Variants in PPP2R2B observed in about 807,000 individuals in gnomAD.
PPP2R2B encodes the protein protein phosphatase 2 regulatory subunit Bbeta.
In PPP2R2B, 5 loss-of-function variants were observed where a neutral mutation model predicts 46.0. That is an observed-to-expected ratio of 0.11 (90% CI 0.06 to 0.23). PPP2R2B has a LOEUF of 0.23. Among genes scored for constraint, PPP2R2B ranks in the 10% least tolerant of loss-of-function variants. The probability of loss-of-function intolerance (pLI) is 1.00; values close to 1 mark genes in which losing one functional copy is unlikely to be tolerated. For missense variants in PPP2R2B, 367 were observed against 575.0 expected, an observed-to-expected ratio of 0.64 and a Z score of 3.70; for synonymous variants, 215 against 206.7, an observed-to-expected ratio of 1.04 and a Z score of -0.34.
intron 1 of PPP2R2B, among the ~76,000 whole-genome samples, chr5:146,932,083 C>G (rs937533685): frequency 1.2e-4 from 19 of 152,142 alleles, no homozygotes; most frequent in Non-Finnish European, 1.5e-4. Context: ...TGAACTGAAT[C>G]GTTTAGATTG....
chr5:146,656,125 T>A (rs424849), intron 5 of PPP2R2B, among the ~76,000 whole-genome samples: 1 of 152,158 alleles, frequency 6.6e-6, no homozygotes, highest in African/African-American at 2.4e-5. Context: ...CTGTGGTACA[T>A]AAGTTCTTGT....
intron 1 of PPP2R2B, chr5:146,918,248 G>A (rs753704380): frequency 7.2e-5 from 11 of 152,174 alleles, no homozygotes; most frequent in Non-Finnish European, 1.2e-4. Context: ...AGGGAAACTC[G>A]CCTTGGGCTC....
At chr5:146,888,691 T>C (rs1472258490) in intron 1 of PPP2R2B, among the ~76,000 whole-genome samples, 1 of 152,136 alleles carries the variant, frequency 6.6e-6, no homozygotes, top group Admixed American at 6.5e-5. Context: ...ACTTATCAAA[T>C]GCAGCACCAC....
At chr5:147,047,021 C>G (rs1356937691) in intron 1 of PPP2R2B, among the ~76,000 whole-genome samples, 3 of 152,070 alleles carry the variant, frequency 2.0e-5, no homozygotes, top group African/African-American at 7.2e-5. Flanking sequence ...ATTATATTGT[C>G]ATTTGACTCT....
At chr5:147,080,008 A>G (rs1267307095) in intron 2 of PPP2R2B, among the ~76,000 whole-genome samples, 1 of 152,178 alleles carries the variant, frequency 6.6e-6, no homozygotes, top group Non-Finnish European at 1.5e-5. Context: ...TTTATTTATT[A>G]ATTTTAGTGT....
Position 146,594,819 on chromosome 5 carries a change from G to C in PPP2R2B, c.961-1757C>G, listed in dbSNP as rs144512231. On this transcript the variant is annotated intron_variant, in intron 8 of 9. Transcript: ENST00000394411. Reference sequence around the variant, plus strand: ...AATGAACTCAAGTGAGGCTGAGAGAGAAGGAGATAGAACTGTGTGAAAGCA... The same window carrying C: ...AATGAACTCAAGTGAGGCTGAGAGACAAGGAGATAGAACTGTGTGAAAGCA... 2.5e-3 allele frequency among the ~76,000 whole-genome samples: 381 copies of C among 152,296 alleles called. 4 individuals carry two copies. The highest frequency in any genetic ancestry group is 8.8e-3 in the African/African-American group (365 of 41,568).
chr5:146,988,388 A>G (rs890819342), intron 1 of PPP2R2B, among the ~76,000 whole-genome samples: 6 of 152,002 alleles, frequency 3.9e-5, no homozygotes, highest in Non-Finnish European at 8.8e-5. Context: ...GTCTTCACAA[A>G]TGTTACAAAA....
intron 1 of PPP2R2B, among the ~76,000 whole-genome samples, chr5:147,027,467 T>C (rs1232894122): frequency 6.6e-6 from 1 of 151,970 alleles, no homozygotes. Context: ...ACCTCGTCTC[T>C]ACTAAAAATA....
chr5:146,814,187 C>T (rs1265709589), intron 2 of PPP2R2B, among the ~76,000 whole-genome samples: 6 of 145,036 alleles, frequency 4.1e-5, no homozygotes, highest in African/African-American at 1.5e-4. Flanking sequence ...GTAGAGAAAA[C>T]AGCTAAAAAA....
intron 1 of PPP2R2B, among the ~76,000 whole-genome samples, chr5:146,977,460 T>C (rs928642564): frequency 2.0e-5 from 3 of 152,102 alleles, no homozygotes; most frequent in Non-Finnish European, 4.4e-5. Flanking sequence ...CGTGCCATTG[T>C]GGTTTGTTGC....
intron 1 of PPP2R2B, among the ~76,000 whole-genome samples, chr5:147,025,099 TCTCATTATAGGTCTTAC>T (rs1217260185): frequency 6.6e-6 from 1 of 151,886 alleles, no homozygotes; most frequent in Non-Finnish European, 1.5e-5. Flanking sequence ...ACAGAAGGGA[TCTCATTATAGGTCTTAC>T]AGACTTTAAG....
In PPP2R2B at chr5:146,648,417, A is replaced by G. The variant is rs148883656; in HGVS notation, c.625+2130T>C. Among the ~76,000 whole-genome samples the G allele has an allele frequency of 3.9e-3, 587 of 152,300 alleles. 5 individuals carry two copies. The highest frequency in any genetic ancestry group is 0.014 in the African/African-American group (567 of 41,544). On this transcript the variant is annotated intron_variant, in intron 6 of 9. Transcript: ENST00000394411. ...ATAAACGAACCTTCAGAGCTTTACT[A>G]TAACTCTTAAAATTAAATTTCCAGG...
chr5:146,754,747 G>A (rs1753743445), intron 2 of PPP2R2B, among the ~76,000 whole-genome samples: 1 of 152,138 alleles, frequency 6.6e-6, no homozygotes, highest in Non-Finnish European at 1.5e-5. Context: ...GACACTCCAG[G>A]AACCCTGTGG....
At chr5:146,981,823 T>A (rs977663223) in intron 1 of PPP2R2B, among the ~76,000 whole-genome samples, 6 of 152,150 alleles carry the variant, frequency 3.9e-5, no homozygotes. Context: ...GAATGTTATA[T>A]AAATGGAATT....
intron 1 of PPP2R2B, among the ~76,000 whole-genome samples, chr5:146,927,304 C>T (rs373694037): frequency 6.6e-6 from 1 of 152,126 alleles, no homozygotes; most frequent in Non-Finnish European, 1.5e-5. Flanking sequence ...CACTCTTTGC[C>T]TTGGGTTTTG....
chr5:147,030,393 T>C (rs1454472435), intron 1 of PPP2R2B, among the ~76,000 whole-genome samples: 1 of 152,222 alleles, frequency 6.6e-6, no homozygotes, highest in Non-Finnish European at 1.5e-5. Flanking sequence ...AGTACTTTCA[T>C]ATTTTCTATG....
chr5:146,928,918 C>G (rs1236940040), intron 1 of PPP2R2B, among the ~76,000 whole-genome samples: 4 of 152,190 alleles, frequency 2.6e-5, no homozygotes, highest in Non-Finnish European at 4.4e-5. Flanking sequence ...CCTTTCCAGC[C>G]TTGCTGGCAT....
At chr5:146,890,191 A>C (rs948657579) in intron 1 of PPP2R2B, among the ~76,000 whole-genome samples, 1 of 152,206 alleles carries the variant, frequency 6.6e-6, no homozygotes, top group Non-Finnish European at 1.5e-5. Context: ...TTCAAAACTC[A>C]CCAGGGCCAG....
At chr5:146,957,266 T>G in intron 1 of PPP2R2B, among the ~76,000 whole-genome samples, 1 of 152,220 alleles carries the variant, frequency 6.6e-6, no homozygotes, top group East Asian at 1.9e-4. Context: ...AATTCTGATT[T>G]AGATCAACAG....
Sources: gnomAD v4.1 joint callset for allele counts (sites outside exome capture counted in the v4.1 genomes callset) on GRCh38, gnomAD v4.1.1 for gene constraint, MANE v1.5 for transcripts, NCBI Gene and HGNC (gene_info 2026-07-23, HGNC 2026-07-21) for gene names.